CFAP92: variants seen among roughly 807,000 people sequenced by gnomAD.
The protein encoded by CFAP92 is uncharacterized protein CFAP92.
Under a neutral mutation model 106.3 loss-of-function variants are expected in CFAP92, and 86 were observed. The observed-to-expected ratio is 0.81, with a 90% CI of 0.68 to 0.97. CFAP92 has a LOEUF of 0.97. Among genes scored for constraint, CFAP92 ranks in the 50% least tolerant of loss-of-function variants. The pLI, the probability that CFAP92 is intolerant of heterozygous loss-of-function variation, is 0.00. For missense variants in CFAP92, 1,204 were observed against 1,283.8 expected, an observed-to-expected ratio of 0.94 and a Z score of 0.95; for synonymous variants, 477 against 506.4, an observed-to-expected ratio of 0.94 and a Z score of 0.78.
At chr3:129,005,301 A>G (rs1279057860), upstream of CFAP92, among the ~76,000 whole-genome samples, 2 of 152,254 alleles carry the variant, frequency 1.3e-5, no homozygotes. Flanking sequence ...TTACCGGGCC[A>G]GATGGAGAGA....
chr3:128,961,933 G>T (rs1017349192), intron 9 of CFAP92, among the ~76,000 whole-genome samples: 1 of 152,128 alleles, frequency 6.6e-6, no homozygotes, highest in South Asian at 2.1e-4. Context: ...CGCCTGAACC[G>T]CAGTGGCCAG....
intron 4 of CFAP92, among the ~76,000 whole-genome samples, chr3:128,983,396 A>G (rs776969603): frequency 3.9e-5 from 6 of 152,220 alleles, no homozygotes; most frequent in Middle Eastern, 3.2e-3. Context: ...CCCATCTCAC[A>G]GATGAAGATC....
At chr3:128,949,052 A>G (rs755860889) in intron 9 of CFAP92, among the ~76,000 whole-genome samples, 9 of 152,232 alleles carry the variant, frequency 5.9e-5, no homozygotes, top group Non-Finnish European at 8.8e-5. Context: ...AACTTAAAAT[A>G]CTGACAATAC....
intron 9 of CFAP92, among the ~76,000 whole-genome samples, chr3:128,957,075 T>G (rs2107751511): frequency 6.6e-6 from 1 of 151,296 alleles, no homozygotes; most frequent in Admixed American, 6.6e-5. Context: ...AAAAACACCC[T>G]GAGACAAAGA....
intron 9 of CFAP92, among the ~76,000 whole-genome samples, chr3:128,963,165 C>T (rs572923727): frequency 5.5e-4 from 84 of 152,200 alleles, no homozygotes; most frequent in Non-Finnish European, 1.0e-3. Flanking sequence ...ATGTGCTCTC[C>T]CTGCTGATCG....
In CFAP92 at chr3:128,993,594, C is replaced by T; in HGVS notation, c.-32-258G>A. The T allele has an allele frequency of 1.6e-5, 7 of 449,658 alleles. No homozygotes were observed. The South Asian group carries it at 1.6e-4, about 11-fold the overall frequency. The allele number at this position is 449,658 out of a possible 1,614,324, so 27.9% of individuals were successfully genotyped here. A position where few individuals can be genotyped will look rare whatever the true frequency, so the allele number is the denominator to read the frequency against. On this transcript the variant is annotated intron_variant, in intron 1 of 15. Transcript: ENST00000645291. ...GAGCAACCCCGTTTCCTTCGCCTAA[C>T]CAGGAGTCAGTCGCCGGGCTTCTGG...
chr3:129,009,012 G>T, the CFAP92 span, among the ~76,000 whole-genome samples: 1 of 132,832 alleles, frequency 7.5e-6, no homozygotes, highest in African/African-American at 2.7e-5. Flanking sequence ...TTGGCGGGGT[G>T]GGGGGCGGGG....
In CFAP92 at chr3:128,945,585, G is replaced by A; in HGVS notation, c.1744C>T (p.Leu582=). 6.5e-7 allele frequency: 1 copy of A among 1,536,162 alleles called. No individual in the cohort carries two copies. The highest frequency in any genetic ancestry group is 2.0e-5 in the Admixed American group (1 of 51,006). The part of the protein sequence containing the change: ...DLLLGHKYLN[L]AVPIHSCEVQ... ...TCACAGCTGTGGATGGGGACGGCCA[G>A]ATTCAAGTACTTGTGGCCAAGGAGG... is the stretch of plus-strand genomic sequence containing the variant. Residue 582 remains leucine (L), a synonymous_variant, in exon 10 of 16, where the codon CTG becomes TTG. Coordinates refer to ENST00000645291, the MANE Select transcript of CFAP92 (RefSeq NM_001394090.1).
chr3:129,001,733 G>A, intron 1 of CFAP92: 1 of 1,527,420 alleles, frequency 6.5e-7, no homozygotes, highest in South Asian at 1.2e-5. Flanking sequence ...GCGCCCTGGC[G>A]CACCACTACG....
intron 6 of CFAP92, 49 bp downstream of exon 6, chr3:128,976,930 T>C: frequency 7.0e-7 from 1 of 1,435,422 alleles, no homozygotes; most frequent in Non-Finnish European, 9.8e-7. Flanking sequence ...GTAGGGCTAG[T>C]ACAAGAGGGG....
upstream of CFAP92, among the ~76,000 whole-genome samples, chr3:128,995,757 C>G (rs568455029): frequency 6.6e-6 from 1 of 152,346 alleles, no homozygotes; most frequent in South Asian, 2.1e-4. Context: ...CTGGAAACAC[C>G]TACATGTCAA....
intron 8 of CFAP92, chr3:128,968,788 T>C (rs1942569611): frequency 6.6e-6 from 1 of 152,596 alleles, no homozygotes; most frequent in Admixed American, 6.5e-5. Flanking sequence ...CTGTACAGCA[T>C]TGTACATGAC....
At chr3:128,952,538 G>A (rs1181327195) in intron 9 of CFAP92, among the ~76,000 whole-genome samples, 1 of 152,134 alleles carries the variant, frequency 6.6e-6, no homozygotes, top group Non-Finnish European at 1.5e-5. Flanking sequence ...ACAGATCTTG[G>A]AATTATCTGA....
upstream of CFAP92, among the ~76,000 whole-genome samples, chr3:129,004,535 C>A (rs1304504530): frequency 1.3e-5 from 2 of 150,166 alleles, no homozygotes; most frequent in African/African-American, 2.5e-5. Flanking sequence ...TCCATCCCCC[C>A]ACCCACCCAG....
In CFAP92 at chr3:128,972,973, G is replaced by A. The variant is rs114339627; in HGVS notation, c.1022-1540C>T. Among the ~76,000 whole-genome samples, 573 of 152,166 alleles carry A rather than the reference G, an allele frequency of 3.8e-3. 1 individual carries two copies. Among genetic ancestry groups the A allele is most frequent in the African/African-American group, 0.013 (531 of 41,510 alleles). The stretch of plus-strand genomic sequence containing the variant: ...CTTGCAAGTAGCTTGGACTACAGGC[G>A]TGCACCAGCATACCCAGCTGAGGAA... On this transcript the variant is annotated intron_variant, in intron 7 of 15. Coordinates refer to ENST00000645291, the MANE Select transcript of CFAP92 (RefSeq NM_001394090.1).
upstream of CFAP92, among the ~76,000 whole-genome samples, chr3:128,994,502 A>G (rs978317463): frequency 3.3e-5 from 5 of 152,166 alleles, no homozygotes; most frequent in East Asian, 1.9e-4. Context: ...ATGTCCTTAA[A>G]AACCAGACCT....
In CFAP92 at chr3:128,935,213, G is replaced by C. The variant is rs975884578; in HGVS notation, c.2365C>G (p.Leu789Val). The C allele has an allele frequency of 7.8e-6, 12 of 1,536,132 alleles. No individual in the cohort carries two copies. In the Admixed American group the frequency reaches 2.4e-4, roughly 30 times the overall value. ...DLEAILYHVH[L>V]FQPTELLLQQ... ...AGCAGCAGCTCCGTGGGCTGGAAGA[G>C]GTGCACGTGGTACAGGATGGCCTCC... Residue 789 changes from leucine to valine, a missense_variant, in exon 11 of 16, where the codon CTC (leucine) becomes GTC (valine). Coordinates refer to ENST00000645291, the MANE Select transcript of CFAP92 (RefSeq NM_001394090.1).
intron 15 of CFAP92, among the ~76,000 whole-genome samples, chr3:128,911,387 C>G (rs1936298938): frequency 6.6e-6 from 1 of 151,888 alleles, no homozygotes; most frequent in Non-Finnish European, 1.5e-5. Flanking sequence ...TGAGCAAGTG[C>G]AGAGCCCTTT....
chr3:128,971,907 C>T (rs182447110), intron 7 of CFAP92, among the ~76,000 whole-genome samples: 11 of 152,202 alleles, frequency 7.2e-5, no homozygotes, highest in African/African-American at 1.4e-4. Flanking sequence ...AAATTAGCAA[C>T]GCTACATAAA....
Sources: gnomAD v4.1 joint callset for allele counts (sites outside exome capture counted in the v4.1 genomes callset) on GRCh38, gnomAD v4.1.1 for gene constraint, MANE v1.5 for transcripts, NCBI Gene and HGNC (gene_info 2026-07-23, HGNC 2026-07-21) for gene names.